Variants in SBNO2 observed in about 807,000 individuals in gnomAD.
SBNO2 encodes protein strawberry notch homolog 2.
SBNO2 carries 89 observed loss-of-function variants against 146.3 expected under a neutral mutation model. That is an observed-to-expected ratio of 0.61 (90% CI 0.51 to 0.73). The LOEUF is 0.73. Among genes scored for constraint, SBNO2 ranks in the 30% least tolerant of loss-of-function variants. The probability of loss-of-function intolerance (pLI) is 0.00; values close to 1 mark genes in which losing one functional copy is unlikely to be tolerated. For missense variants in SBNO2, 2,092 were observed against 2,003.7 expected, an observed-to-expected ratio of 1.04 and a Z score of -0.84; for synonymous variants, 1,147 against 892.6, an observed-to-expected ratio of 1.29 and a Z score of -5.08.
chr19:1,164,326 G>A (rs1054153141), intron 1 of SBNO2, among the ~76,000 whole-genome samples: 1 of 149,296 alleles, frequency 6.7e-6, no homozygotes, highest in Non-Finnish European at 1.5e-5. Context: ...AGCCTCCCCC[G>A]TGCACAGGAA....
chr19:1,118,930 C>A, intron 14 of SBNO2, 81 bp downstream of exon 14: 1 of 1,439,570 alleles, frequency 6.9e-7, no homozygotes, highest in Non-Finnish European at 9.4e-7. Context: ...CTGATGACGC[C>A]TGTGGCATCT....
chr19:1,143,199 TGAA>T (rs1234089487), intron 4 of SBNO2, among the ~76,000 whole-genome samples: 2 of 151,870 alleles, frequency 1.3e-5, no homozygotes, highest in East Asian at 3.9e-4. Context: ...TCCAACAAGC[TGAA>T]TATGGTGGCT....
In SBNO2 at chr19:1,143,066, A is replaced by T. The variant is rs371908514; in HGVS notation, c.279+4243T>A. On this transcript the variant is annotated intron_variant, in intron 4 of 31. Transcript: ENST00000361757. ...ACAGGTTCTCCCTACCAATCCCTCC[A>T]GGTTTATACAACAGCAGGAAACATT... is the stretch of plus-strand genomic sequence containing the variant. Among the ~76,000 whole-genome samples, 356 of 152,292 alleles carry T rather than the reference A, an allele frequency of 2.3e-3. 1 individual carries two copies. The highest frequency in any genetic ancestry group is 8.1e-3 in the African/African-American group (337 of 41,546).
rs201338029 is a variant in SBNO2 at position 1,113,667 on chromosome 19, G to A, written c.2115C>T (p.Pro705=). The A allele has an allele frequency of 6.7e-4, 1,070 of 1,593,458 alleles. 5 individuals carry two copies. In the African/African-American group the frequency reaches 0.011, roughly 17 times the overall value. The change falls in exon 19 of 32, where the codon CCC becomes CCT. Residue 705 remains proline (P), a synonymous_variant. Coordinates refer to ENST00000361757, the MANE Select transcript of SBNO2 (RefSeq NM_014963.3). ...GCCGCTCCACCCGCTCCAGGACCCC[G>A]GGGCCATGCGGGTCTCTCTGCAGGA... The part of the protein sequence containing the change: ...LCLLQRDPHG[P]GVLERVERLK...
At chr19:1,120,376 T>C (rs1259825399) in intron 11 of SBNO2, among the ~76,000 whole-genome samples, 1 of 152,216 alleles carries the variant, frequency 6.6e-6, no homozygotes, top group Non-Finnish European at 1.5e-5. Flanking sequence ...CTTTTTTGTT[T>C]GTTTTTTTGA....
chr19:1,116,574 C>T (rs1422836655), intron 16 of SBNO2, among the ~76,000 whole-genome samples: 3 of 152,144 alleles, frequency 2.0e-5, no homozygotes, highest in Non-Finnish European at 4.4e-5. Context: ...ATGCAGGAAG[C>T]CTCCTTCTGA....
chr19:1,127,715 G>A lies in SBNO2; in HGVS notation c.330C>T (p.Ser110=), dbSNP rs778868852. 35 of 1,613,500 alleles carry A rather than the reference G, an allele frequency of 2.2e-5. No individual in the cohort carries two copies. The highest frequency in any genetic ancestry group is 6.7e-5 in the East Asian group (3 of 44,900). ...DFSNISIFSS[S]VDSLSDIVDT... ...CCACGATGTCCGACAGGGAGTCCAC[G>A]GACGAGGAGAAGATGGAGATGTTGG... The change falls in exon 5 of 32, where the codon TCC becomes TCT. Residue 110 remains serine, a synonymous_variant. Coordinates refer to ENST00000361757, the MANE Select transcript of SBNO2 (RefSeq NM_014963.3).
chr19:1,145,074 CAG>C (rs1193625804), intron 4 of SBNO2, among the ~76,000 whole-genome samples: 2 of 148,390 alleles, frequency 1.3e-5, no homozygotes, highest in Non-Finnish European at 3.0e-5. Context: ...GAGAGGGAGG[CAG>C]AGACAGAGAG....
chr19:1,172,240 G>A (rs189084531), intron 1 of SBNO2, among the ~76,000 whole-genome samples: 4 of 152,292 alleles, frequency 2.6e-5, no homozygotes, highest in Non-Finnish European at 4.4e-5. Context: ...CTCCTCTGCC[G>A]TCTCCCCTGC....
chr19:1,164,713 G>GGAA (rs2080390909), intron 1 of SBNO2, among the ~76,000 whole-genome samples: 1 of 115,678 alleles, frequency 8.6e-6, no homozygotes, highest in Non-Finnish European at 1.8e-5. Flanking sequence ...AGGAGGAGGA[G>GGAA]GAGGAACAGG....
intron 1 of SBNO2, among the ~76,000 whole-genome samples, chr19:1,170,927 C>CAT (rs2080471399): frequency 9.8e-4 from 1 of 1,018 alleles, no homozygotes; most frequent in Non-Finnish European, 1.7e-3. Context: ...GCACAGGCAA[C>CAT]ACACACATGA....
chr19:1,128,845 G>A (rs1372582509), intron 4 of SBNO2, among the ~76,000 whole-genome samples: 3 of 151,974 alleles, frequency 2.0e-5, no homozygotes, highest in African/African-American at 4.8e-5. Context: ...GTGCATGCCC[G>A]TAGTCCCAGC....
At chr19:1,117,262 G>C in intron 15 of SBNO2, 61 bp downstream of exon 15, 1 of 1,469,248 alleles carries the variant, frequency 6.8e-7, no homozygotes, top group Non-Finnish European at 9.1e-7. Flanking sequence ...CCTGGAAGAA[G>C]AGCAGCCTCC....
chr19:1,108,347 G>C lies in SBNO2; in HGVS notation c.3974C>G (p.Ala1325Gly), dbSNP rs905841315. 2 of 1,304,690 alleles carry C rather than the reference G, an allele frequency of 1.5e-6. No individual in the cohort carries two copies. Among genetic ancestry groups the C allele is most frequent in the Admixed American group, 4.3e-5 (1 of 23,168 alleles). 80.8% of individuals were successfully genotyped at this position (1,304,690 alleles called of 1,614,324 possible). A position where few individuals can be genotyped will look rare whatever the true frequency, so the allele number is the denominator to read the frequency against. The change falls in exon 32 of 32, where the codon GCG becomes GGG. Residue 1325 changes from alanine to glycine, a missense_variant. By Grantham distance (60) the Ala-to-Gly change is moderately conservative. Transcript: ENST00000361757. ...VLEDMLRSLH[A>G]GPPSEGALGE... ...CAGCGCGCCCTCGGAGGGCGGCCCCGCGTGCAGCGAGCGCAGCATGTCCTC... is the reference window on the plus strand; with the variant it reads ...CAGCGCGCCCTCGGAGGGCGGCCCCCCGTGCAGCGAGCGCAGCATGTCCTC...
At position 1,144,701 on chromosome 19, in the gene SBNO2, G is replaced by A. The variant is rs1318846214; in HGVS notation, c.279+2608C>T. Among the ~76,000 whole-genome samples, 1 of 151,876 alleles carries A rather than the reference G, an allele frequency of 6.6e-6. No homozygotes were observed. The highest frequency in any genetic ancestry group is 2.4e-5 in the African/African-American group (1 of 41,294). ...AGACAGAGAGGGCGACAGAGACAGA[G>A]AGGGAAACAGACACAGAGGCAGAGA... On this transcript the variant is annotated intron_variant, in intron 4 of 31. Transcript: ENST00000361757. This position sits in a 1 kb window ranked among gnomAD's most constrained non-coding sequence, Gnocchi z 4.1.
rs541742900 is a variant in SBNO2, at chr19:1,112,896, G to A, written c.2301C>T (p.Phe767=). 62 of 1,570,964 alleles carry A rather than the reference G, an allele frequency of 3.9e-5. No homozygotes were observed. In the South Asian group the frequency reaches 6.7e-4, roughly 17 times the overall value. The change falls in exon 20 of 32, where the codon TTC becomes TTT. Residue 767 remains phenylalanine, a synonymous_variant. Transcript: ENST00000361757. This position sits in a 1 kb window ranked among gnomAD's most constrained non-coding sequence, Gnocchi z 5.9. ...ACAGACCCTGCTCTGCCCGCGACTC[G>A]AAGGCCACCGTCCCGTCGGGCCTGG... is the stretch of plus-strand genomic sequence containing the variant. ...VVSRPDGTVA[F]ESRAEQGLSI...
intron 14 of SBNO2, among the ~76,000 whole-genome samples, chr19:1,118,579 C>T (rs2079860522): frequency 6.6e-6 from 1 of 151,556 alleles, no homozygotes; most frequent in Non-Finnish European, 1.5e-5. Context: ...ACATAAAAAC[C>T]CCAGTGATGG....
rs373082830 is a variant in SBNO2, at chr19:1,122,555, G to A, written c.918C>T (p.Phe306=). The stretch of plus-strand genomic sequence containing the variant: ...CGTACTTGAGGTCGTTGGAGACGCT[G>A]AACCTGCGGGGTGGGGGCGTCAGGC... ...HLRGRKKALW[F]SVSNDLKYDA... The change falls in exon 10 of 32, where the codon TTC becomes TTT. Residue 306 remains phenylalanine (F), a synonymous_variant. Transcript: ENST00000361757. 1.2e-4 allele frequency: 188 copies of A among 1,538,910 alleles called. No individual in the cohort carries two copies. The highest frequency in any genetic ancestry group is 1.5e-4 in the Non-Finnish European group (175 of 1,142,856).
chr19:1,114,469 G>A lies in SBNO2; in HGVS notation c.1886-47C>T, dbSNP rs915397805. On this transcript the variant is annotated intron_variant, in intron 17 of 31. Coordinates refer to ENST00000361757, the MANE Select transcript of SBNO2 (RefSeq NM_014963.3). ...CCGAGGGCCAGACCGCAGCAAGGTG[G>A]AGGAGCAGGTGGAGGAGACGCAGCA... is the stretch of plus-strand genomic sequence containing the variant. 4 of 1,446,388 alleles carry A rather than the reference G, an allele frequency of 2.8e-6. No individual in the cohort carries two copies. In the Admixed American group the frequency reaches 6.9e-5, roughly 25 times the overall value. 89.6% of individuals were successfully genotyped at this position (1,446,388 alleles called of 1,614,324 possible).
Sources: allele counts gnomAD v4.1 joint callset (sites outside exome capture counted in the v4.1 genomes callset), GRCh38; gene constraint gnomAD v4.1.1; non-coding constraint Gnocchi (gnomAD v3.1); transcripts MANE v1.5; gene names NCBI Gene and HGNC (gene_info 2026-07-23, HGNC 2026-07-21).